DTX1: variants seen among roughly 807,000 people sequenced by gnomAD.
The protein encoded by DTX1 is deltex E3 ubiquitin ligase 1.
DTX1 carries 26 observed loss-of-function variants against 57.8 expected under a neutral mutation model. The observed-to-expected ratio is 0.45, with a 90% confidence interval of 0.33 to 0.62. DTX1 has a LOEUF of 0.62. Among genes scored for constraint, DTX1 ranks in the 20% least tolerant of loss-of-function variants. The pLI is 0.02. For missense variants in DTX1, 704 were observed against 895.3 expected (o/e 0.79, Z 2.73); for synonymous variants, 398 against 394.1 (o/e 1.01, Z -0.12).
At chr12:113,078,126 A>AG in intron 3 of DTX1, 21 bp downstream of exon 3, 1 of 1,327,490 alleles carries the variant, frequency 7.5e-7, no homozygotes, top group Non-Finnish European at 9.6e-7. Context: ...GCCCAGGGGG[A>AG]GGGGGCCTCT....
intron 3 of DTX1, among the ~76,000 whole-genome samples, chr12:113,088,656 A>C (rs1261096259): frequency 6.6e-6 from 1 of 152,228 alleles, no homozygotes; most frequent in African/African-American, 2.4e-5. Context: ...CTATGAAAAA[A>C]GAATTCAGTA....
Position 113,057,751 on chromosome 12 carries a change from G to A in DTX1, c.-442G>A, listed in dbSNP as rs950077399. 18 of 175,312 alleles carry A rather than the reference G, an allele frequency of 1.0e-4. No homozygotes were observed. The East Asian group carries it at 1.1e-3, about 11-fold the overall frequency. The allele number at this position is 175,312 out of a possible 1,614,324, so 10.9% of individuals were successfully genotyped here. On this transcript the variant is annotated 5_prime_UTR_variant, in exon 2 of 10. Coordinates refer to ENST00000548759, the MANE Select transcript of DTX1 (RefSeq NM_004416.3). The stretch of plus-strand genomic sequence containing the variant: ...GACGCAGTTGGGAGTGCAAAGGGCT[G>A]GCTGAGAGCCGCAGGAGCAGCAGGC...
At chr12:113,087,435 G>A (rs950248208) in intron 3 of DTX1, among the ~76,000 whole-genome samples, 1 of 152,160 alleles carries the variant, frequency 6.6e-6, no homozygotes, top group Non-Finnish European at 1.5e-5. Flanking sequence ...TGTCCTTCAA[G>A]TCTCTGCAGT....
At chr12:113,079,162 A>C (rs533532987) in intron 3 of DTX1, among the ~76,000 whole-genome samples, 1 of 152,220 alleles carries the variant, frequency 6.6e-6, no homozygotes, top group East Asian at 1.9e-4. Flanking sequence ...CCAAGCCCTG[A>C]GGGGTGGCAA....
chr12:113,093,139 G>A lies in DTX1; in HGVS notation c.942-23G>A, dbSNP rs1224135863. On this transcript the variant is annotated intron_variant, in intron 3 of 9. Coordinates refer to ENST00000548759, the MANE Select transcript of DTX1 (RefSeq NM_004416.3). This position sits in a 1 kb window ranked among gnomAD's most constrained non-coding sequence, Gnocchi z 4.2. ...GCTTCGGGGGCTGGAGTCCAGCTGCGGCCTCTTCTCTTCTCCCCGCAGGGT... is the reference window on the plus strand; with the variant it reads ...GCTTCGGGGGCTGGAGTCCAGCTGCAGCCTCTTCTCTTCTCCCCGCAGGGT... 5.1e-6 allele frequency: 8 copies of A among 1,579,796 alleles called. No homozygotes were observed. The highest frequency in any genetic ancestry group is 2.3e-5 in the East Asian group (1 of 42,698).
At chr12:113,086,964 C>T (rs2044863959) in intron 3 of DTX1, among the ~76,000 whole-genome samples, 1 of 150,842 alleles carries the variant, frequency 6.6e-6, no homozygotes, top group Non-Finnish European at 1.5e-5. Context: ...CCCTGGGAGA[C>T]CAAACCACAC....
At position 113,058,080 on chromosome 12, in the gene DTX1, C is replaced by T; in HGVS notation, c.-113C>T. 12 of 1,431,712 alleles carry T rather than the reference C, an allele frequency of 8.4e-6. No individual in the cohort carries two copies. The highest frequency in any genetic ancestry group is 1.1e-5 in the Non-Finnish European group (12 of 1,092,430). 88.7% of individuals were successfully genotyped at this position (1,431,712 alleles called of 1,614,324 possible). On this transcript the variant is annotated 5_prime_UTR_variant, in exon 2 of 10. Transcript: ENST00000548759. ...GAGAACCCAGAGTTAGAAAGGAGGC[C>T]AGACGGTCCTTGCTGTCCCCCTGGG...
chr12:113,085,934 A>G (rs2044853434), intron 3 of DTX1, among the ~76,000 whole-genome samples: 1 of 152,172 alleles, frequency 6.6e-6, no homozygotes, highest in South Asian at 2.1e-4. Context: ...CCTCATGGAG[A>G]AGGTAATACC....
At chr12:113,068,857 G>A (rs945453041) in intron 2 of DTX1, among the ~76,000 whole-genome samples, 7 of 152,220 alleles carry the variant, frequency 4.6e-5, no homozygotes, top group Non-Finnish European at 8.8e-5. Flanking sequence ...TGGGCCAGAG[G>A]GCTGACAGTG....
intron 2 of DTX1, among the ~76,000 whole-genome samples, chr12:113,065,191 G>T (rs1031742071): frequency 3.9e-5 from 6 of 152,202 alleles, no homozygotes; most frequent in Non-Finnish European, 4.4e-5. Context: ...CTTGGAGCTG[G>T]AGCAGGTGGG....
At chr12:113,069,399 G>A (rs891372170) in intron 2 of DTX1, among the ~76,000 whole-genome samples, 12 of 152,096 alleles carry the variant, frequency 7.9e-5, no homozygotes, top group African/African-American at 1.9e-4. Flanking sequence ...CGAGTGCCAC[G>A]CAGCCCTTCA....
chr12:113,087,872 C>G (rs1466325), intron 3 of DTX1, among the ~76,000 whole-genome samples: 83,545 of 151,990 alleles, frequency 0.55, 24,352 homozygotes, highest in East Asian at 0.87. Context: ...CTTGGCTGCC[C>G]TAAAGGGAGG....
intron 2 of DTX1, among the ~76,000 whole-genome samples, chr12:113,062,460 T>A (rs1334233144): frequency 6.6e-6 from 1 of 152,204 alleles, no homozygotes; most frequent in Non-Finnish European, 1.5e-5. Flanking sequence ...CCCCCAACCA[T>A]TTAAAAATGT....
intron 2 of DTX1, among the ~76,000 whole-genome samples, chr12:113,066,241 T>G (rs546998545): frequency 7.0e-6 from 1 of 143,854 alleles, no homozygotes; most frequent in East Asian, 1.9e-4. Context: ...AATCATGGGG[T>G]GTGTAGGCCG....
rs60642403 is a variant in DTX1 at position 113,072,696 on chromosome 12, CTTTTTTTTTTTT to C, written c.260-4714_260-4703del. Among the ~76,000 whole-genome samples, 61 of 71,116 alleles carry C rather than the reference CTTTTTTTTTTTT, an allele frequency of 8.6e-4. 1 individual carries two copies. Among genetic ancestry groups the C allele is most frequent in the Admixed American group, 2.8e-3 (15 of 5,398 alleles). 46.7% of individuals were successfully genotyped at this position (71,116 alleles called of 152,430 possible). On this transcript the variant is annotated intron_variant, in intron 2 of 9. Coordinates refer to ENST00000548759, the MANE Select transcript of DTX1 (RefSeq NM_004416.3). ...ATTTGCACAAGACCTGAGAGATTTT[CTTTTTTTTTTTT>C]TTTTTTTTTTTTTGAGACAGAGTCT...
Position 113,093,631 on chromosome 12 carries a change from A to G in DTX1, c.1096A>G (p.Ser366Gly). 1.9e-6 allele frequency: 3 copies of G among 1,613,554 alleles called. No individual in the cohort carries two copies. The highest frequency in any genetic ancestry group is 2.5e-6 in the Non-Finnish European group (3 of 1,179,860). Residue 366 changes from serine (S) to glycine (G), a missense_variant, in exon 5 of 10, where the codon AGC (serine) becomes GGC (glycine). Coordinates refer to ENST00000548759, the MANE Select transcript of DTX1 (RefSeq NM_004416.3). This position sits in a 1 kb window ranked among gnomAD's most constrained non-coding sequence, Gnocchi z 4.2. ...PILHPPPVSKSDVKPVPGVPG... is the reference protein window; with the variant it reads ...PILHPPPVSKGDVKPVPGVPG... ...CCTGCACCCGCCGCCCGTGAGCAAG[A>G]GCGACGTGAAGCCCGTGCCTGGCGT...
chr12:113,093,640 A>C lies in DTX1; in HGVS notation c.1105A>C (p.Lys369Gln). 1 of 1,613,664 alleles carries C rather than the reference A, an allele frequency of 6.2e-7. No homozygotes were observed. Among genetic ancestry groups the C allele is most frequent in the South Asian group, 1.1e-5 (1 of 91,076 alleles). ...HPPPVSKSDV[K>Q]PVPGVPGVCR... The stretch of plus-strand genomic sequence containing the variant: ...GCCGCCCGTGAGCAAGAGCGACGTG[A>C]AGCCCGTGCCTGGCGTGCCCGGGGT... The change falls in exon 5 of 10, where the codon AAG (lysine) becomes CAG (glutamine). Residue 369 changes from lysine to glutamine, a missense_variant. Coordinates refer to ENST00000548759, the MANE Select transcript of DTX1 (RefSeq NM_004416.3). The surrounding 1 kb of genome is among the most constrained non-coding windows in gnomAD (Gnocchi z 4.2).
intron 3 of DTX1, among the ~76,000 whole-genome samples, chr12:113,078,404 T>C (rs991428538): frequency 3.3e-5 from 5 of 152,166 alleles, no homozygotes; most frequent in African/African-American, 1.2e-4. Context: ...GATGGGGCCA[T>C]AATAGCAACA....
At chr12:113,068,985 TACAAG>T (rs1421857193) in intron 2 of DTX1, among the ~76,000 whole-genome samples, 3 of 152,200 alleles carry the variant, frequency 2.0e-5, no homozygotes, top group African/African-American at 4.8e-5. Context: ...TCAGTGTTTG[TACAAG>T]ACAGTGATCG....
Sources: allele counts gnomAD v4.1 joint callset (sites outside exome capture counted in the v4.1 genomes callset), GRCh38; gene constraint gnomAD v4.1.1; non-coding constraint Gnocchi (gnomAD v3.1); transcripts MANE v1.5; gene names NCBI Gene and HGNC (gene_info 2026-07-23, HGNC 2026-07-21).